The following GSK3B variants were observed in gnomAD, a reference collection of about 807,000 sequenced individuals.
GSK3B encodes the protein glycogen synthase kinase-3 beta.
In GSK3B, 15 loss-of-function variants were observed where a neutral mutation model predicts 56.4. The ratio of observed to expected loss-of-function variants is 0.27; its 90% CI spans 0.18 to 0.41. The LOEUF (loss-of-function observed/expected upper bound fraction) is 0.41. Ranked by LOEUF, GSK3B falls within the 10% of genes least tolerant of loss-of-function variation. GSK3B has a pLI of 1.00. For missense variants in GSK3B, 300 were observed against 513.4 expected, an observed-to-expected ratio of 0.58 and a Z score of 4.02; for synonymous variants, 181 against 188.9, an observed-to-expected ratio of 0.96 and a Z score of 0.34.
At chr3:119,929,624 C>A (rs112737874) in intron 3 of GSK3B, among the ~76,000 whole-genome samples, 13,895 of 152,024 alleles carry the variant, frequency 0.091, 777 homozygotes, top group Non-Finnish European at 0.12. Context: ...AAAAATTGGC[C>A]AGGCATGGTG....
At position 119,822,489 on chromosome 3, in the gene GSK3B, T is replaced by G. The variant is rs568834787; in HGVS notation, c.*4299A>C. On this transcript the variant is annotated 3_prime_UTR_variant, in exon 11 of 11. Coordinates refer to ENST00000264235, the MANE Select transcript of GSK3B (RefSeq NM_001146156.2). ...AAGTCTACTTTGTCAAGCTAACCCC[T>G]TATGTACTGGTTGTCATTTTGCTTT... is the stretch of plus-strand genomic sequence containing the variant. 36 of 225,470 alleles carry G rather than the reference T, an allele frequency of 1.6e-4. 1 individual carries two copies. In the South Asian group the frequency reaches 6.4e-3, roughly 40 times the overall value. The allele number at this position is 225,470 out of a possible 1,614,324, so 14.0% of individuals were successfully genotyped here.
At chr3:120,029,062 G>A in intron 1 of GSK3B, 4 of 742,354 alleles carry the variant, frequency 5.4e-6, no homozygotes, top group Non-Finnish European at 9.3e-6. Context: ...TGGGTTTACA[G>A]GCTGTGCATT....
intron 3 of GSK3B, among the ~76,000 whole-genome samples, chr3:119,928,462 G>A (rs1006405377): frequency 4.6e-5 from 7 of 151,640 alleles, no homozygotes; most frequent in East Asian, 1.9e-4. Flanking sequence ...AAAATTAGCC[G>A]GGCATGGTGG....
intron 4 of GSK3B, among the ~76,000 whole-genome samples, chr3:119,917,576 G>C (rs527292188): frequency 2.0e-5 from 3 of 151,360 alleles, no homozygotes; most frequent in African/African-American, 4.8e-5. Flanking sequence ...TGAGTTCATA[G>C]GCATAAATTT....
intron 1 of GSK3B, among the ~76,000 whole-genome samples, chr3:120,023,533 T>C (rs1670226354): frequency 6.6e-6 from 1 of 152,152 alleles, no homozygotes; most frequent in African/African-American, 2.4e-5. Flanking sequence ...AATAACTTTA[T>C]AGATCAATAA....
chr3:119,899,032 CTGACTGTACACCAGGA>C (rs1282571653), intron 7 of GSK3B, among the ~76,000 whole-genome samples: 2 of 152,128 alleles, frequency 1.3e-5, no homozygotes, highest in Admixed American at 1.3e-4. Context: ...TAATGATCTT[CTGACTGTACACCAGGA>C]GGAGGATCAT....
At chr3:119,940,428 C>T (rs976117119) in intron 3 of GSK3B, among the ~76,000 whole-genome samples, 6 of 151,770 alleles carry the variant, frequency 4.0e-5, no homozygotes, top group East Asian at 1.9e-4. Context: ...TACCTGCTCT[C>T]GAAAAAGTTA....
At chr3:119,879,596 ATTCT>A (rs1416133229) in intron 7 of GSK3B, among the ~76,000 whole-genome samples, 4 of 152,020 alleles carry the variant, frequency 2.6e-5, no homozygotes, top group African/African-American at 7.2e-5. Flanking sequence ...GATATTATTC[ATTCT>A]TTCTATTGTT....
At chr3:119,948,370 T>C (rs1157782490) in intron 2 of GSK3B, among the ~76,000 whole-genome samples, 3 of 152,302 alleles carry the variant, frequency 2.0e-5, no homozygotes, top group African/African-American at 4.8e-5. Context: ...TGGCTTCTAG[T>C]TCTTAGAAGA....
intron 1 of GSK3B, among the ~76,000 whole-genome samples, chr3:120,048,207 C>T (rs969240090): frequency 2.0e-5 from 3 of 152,150 alleles, no homozygotes; most frequent in African/African-American, 7.2e-5. Context: ...CAGAATGATG[C>T]TAAAAAGGAG....
chr3:119,921,452 T>C (rs2056838711), intron 4 of GSK3B, among the ~76,000 whole-genome samples: 1 of 152,178 alleles, frequency 6.6e-6, no homozygotes, highest in Non-Finnish European at 1.5e-5. Flanking sequence ...AAGCACTCAA[T>C]ACTACAAATG....
chr3:119,920,911 A>G (rs2056834008), intron 4 of GSK3B, among the ~76,000 whole-genome samples: 2 of 152,184 alleles, frequency 1.3e-5, no homozygotes, highest in Admixed American at 6.5e-5. Context: ...TGTTCGCTAA[A>G]AAGACCCAGA....
At chr3:119,841,307 A>G (rs977572433) in intron 10 of GSK3B, among the ~76,000 whole-genome samples, 1 of 152,236 alleles carries the variant, frequency 6.6e-6, no homozygotes, top group African/African-American at 2.4e-5. Flanking sequence ...GCTCAAAAAC[A>G]TAAGTCACAA....
In GSK3B at chr3:120,093,521, T is replaced by TG; in HGVS notation, c.-88dup. The TG allele has an allele frequency of 1.2e-6, 1 of 848,070 alleles. No individual in the cohort carries two copies. The highest frequency in any genetic ancestry group is 2.0e-6 in the Non-Finnish European group (1 of 498,608). The allele number at this position is 848,070 out of a possible 1,614,324, so 52.5% of individuals were successfully genotyped here. On this transcript the variant is annotated 5_prime_UTR_variant, in exon 1 of 11. An upstream open reading frame in the 5' UTR loses its in-frame stop. Transcript: ENST00000264235. ...GTTGGGGTGTTAGGTTAACGATAAA[T>TG]GCAGCATTAAGTTCTCCCACAGAAG...
intron 1 of GSK3B, among the ~76,000 whole-genome samples, chr3:120,039,962 C>T (rs1049630759): frequency 3.3e-5 from 5 of 152,202 alleles, no homozygotes; most frequent in African/African-American, 2.4e-5. Flanking sequence ...CCCACTGCCT[C>T]GTTGCAGCAG....
At chr3:120,092,250 A>G (rs2107589241) in intron 1 of GSK3B, among the ~76,000 whole-genome samples, 1 of 152,312 alleles carries the variant, frequency 6.6e-6, no homozygotes, top group South Asian at 2.1e-4. Context: ...ACTTTTCAGC[A>G]CAAACCCAGG....
intron 4 of GSK3B, 119 bp downstream of exon 4, chr3:119,923,253 TA>T: frequency 2.0e-6 from 1 of 508,358 alleles, no homozygotes; most frequent in East Asian, 3.1e-5. Context: ...CAACAATACC[TA>T]CTTTACAGTT....
chr3:120,023,637 C>A (rs2057898381), intron 1 of GSK3B, among the ~76,000 whole-genome samples: 1 of 152,092 alleles, frequency 6.6e-6, no homozygotes, highest in South Asian at 2.1e-4. Context: ...AATACCATTT[C>A]CCTTATCTTA....
At chr3:119,828,171 A>G (rs1175859847) in intron 10 of GSK3B, among the ~76,000 whole-genome samples, 4 of 152,202 alleles carry the variant, frequency 2.6e-5, no homozygotes, top group African/African-American at 4.8e-5. Context: ...ACTTACTTAG[A>G]GCTTACTTTG....
Sources: allele counts gnomAD v4.1 joint callset (sites outside exome capture counted in the v4.1 genomes callset), GRCh38; gene constraint gnomAD v4.1.1; transcripts MANE v1.5; gene names NCBI Gene and HGNC (gene_info 2026-07-23, HGNC 2026-07-21).